Variants in EPB41L5 observed in about 807,000 individuals in gnomAD.
EPB41L5 encodes the protein band 4.1-like protein 5.
A neutral mutation model predicts 106.6 loss-of-function variants in EPB41L5; 55 were observed. The observed-to-expected ratio is 0.52, with a 90% CI of 0.42 to 0.65. EPB41L5 has a LOEUF of 0.65. EPB41L5 is among the 30% of genes least tolerant of loss of function. The pLI is 0.00. For synonymous variants in EPB41L5, 297 were observed against 306.7 expected (o/e 0.97, Z 0.33); for missense variants, 871 against 882.1 (o/e 0.99, Z 0.16).
At chr2:120,082,387 C>T (rs1682735889) in intron 10 of EPB41L5, among the ~76,000 whole-genome samples, 1 of 152,000 alleles carries the variant, frequency 6.6e-6, no homozygotes, top group Non-Finnish European at 1.5e-5. Context: ...GTCATTAGTT[C>T]TGTTTATATG....
At chr2:120,156,799 A>G (rs1458286885) in intron 20 of EPB41L5, among the ~76,000 whole-genome samples, 2 of 152,236 alleles carry the variant, frequency 1.3e-5, no homozygotes, top group Non-Finnish European at 2.9e-5. Flanking sequence ...GCAAGTTCTT[A>G]GAGACCTTCA....
At chr2:120,100,351 T>C (rs998156239) in intron 15 of EPB41L5, 65 bp downstream of exon 15, 3 of 1,473,048 alleles carry the variant, frequency 2.0e-6, no homozygotes, top group Non-Finnish European at 2.8e-6. Flanking sequence ...GTAGTAGTAT[T>C]GATTGGATTT....
chr2:120,048,157 G>A (rs1252779842), intron 3 of EPB41L5, among the ~76,000 whole-genome samples: 1 of 152,146 alleles, frequency 6.6e-6, no homozygotes, highest in Non-Finnish European at 1.5e-5. Context: ...TTGGTATCAG[G>A]ATGATGCTGG....
At chr2:120,017,386 C>A (rs957298259) in intron 1 of EPB41L5, among the ~76,000 whole-genome samples, 2 of 152,178 alleles carry the variant, frequency 1.3e-5, no homozygotes, top group East Asian at 1.9e-4. Context: ...GCAGCTGAGT[C>A]ATGTAGTGTA....
At chr2:120,023,563 C>T (rs1467746119) in intron 2 of EPB41L5, among the ~76,000 whole-genome samples, 1 of 152,046 alleles carries the variant, frequency 6.6e-6, no homozygotes, top group Non-Finnish European at 1.5e-5. Flanking sequence ...GGTACCAGTA[C>T]CATGCTGTTT....
At chr2:120,033,000 ATTG>A (rs943612693) in intron 2 of EPB41L5, among the ~76,000 whole-genome samples, 5 of 152,170 alleles carry the variant, frequency 3.3e-5, no homozygotes, top group African/African-American at 1.2e-4. Flanking sequence ...TCCCGTATGT[ATTG>A]TTAAGTGCGT....
chr2:120,164,859 C>A lies in EPB41L5; in HGVS notation c.1911C>A (p.Ala637=), dbSNP rs373905034. 2 of 1,612,382 alleles carry A rather than the reference C, an allele frequency of 1.2e-6. No homozygotes were observed. The highest frequency in any genetic ancestry group is 3.3e-5 in the Admixed American group (2 of 59,752). The stretch of plus-strand genomic sequence containing the variant: ...AGGAAGCTACAGATGAATTGGATGC[C>A]TTGCTTGCATCTCTAACTGAGAATC... ...VLKEATDELD[A]LLASLTENLI... The change falls in exon 22 of 25, where the codon GCC becomes GCA. Residue 637 remains alanine, a synonymous_variant. Coordinates refer to ENST00000263713, the MANE Select transcript of EPB41L5 (RefSeq NM_020909.4).
At chr2:120,032,114 G>T (rs1174437215) in intron 2 of EPB41L5, among the ~76,000 whole-genome samples, 1 of 152,138 alleles carries the variant, frequency 6.6e-6, no homozygotes, top group Non-Finnish European at 1.5e-5. Context: ...CAGGCGCGGT[G>T]GCTCACACCT....
chr2:120,149,816 A>G (rs1413170134), intron 20 of EPB41L5, among the ~76,000 whole-genome samples: 2 of 151,578 alleles, frequency 1.3e-5, no homozygotes, highest in Non-Finnish European at 2.9e-5. Flanking sequence ...TTCTACAACC[A>G]CTGCACCATT....
intron 3 of EPB41L5, among the ~76,000 whole-genome samples, chr2:120,071,508 A>G (rs1447110200): frequency 6.6e-6 from 1 of 152,244 alleles, no homozygotes; most frequent in Non-Finnish European, 1.5e-5. Flanking sequence ...CGGAGGCATC[A>G]CGCTACCTGA....
intron 2 of EPB41L5, among the ~76,000 whole-genome samples, chr2:120,039,735 G>C (rs1041929278): frequency 8.0e-5 from 12 of 150,190 alleles, no homozygotes; most frequent in African/African-American, 2.4e-4. Context: ...TGAGGCAGGA[G>C]AATTGCTTGA....
chr2:120,039,598 G>A (rs1371487978), intron 2 of EPB41L5, among the ~76,000 whole-genome samples: 1 of 152,034 alleles, frequency 6.6e-6, no homozygotes, highest in African/African-American at 2.4e-5. Context: ...GGCCAAGTTG[G>A]GCGGATCACC....
chr2:120,123,297 T>C (rs904243270), intron 16 of EPB41L5, among the ~76,000 whole-genome samples: 12 of 152,184 alleles, frequency 7.9e-5, no homozygotes, highest in African/African-American at 2.9e-4. Flanking sequence ...TGTTTTGGTT[T>C]TCATTTTCCC....
chr2:120,088,803 GT>G (rs565637927), intron 11 of EPB41L5, among the ~76,000 whole-genome samples: 79 of 152,216 alleles, frequency 5.2e-4, no homozygotes, highest in African/African-American at 1.8e-3. Context: ...TGTGGTTTTA[GT>G]TTGTGTTCCC....
chr2:120,043,415 C>T (rs1048982357), intron 3 of EPB41L5, among the ~76,000 whole-genome samples: 1 of 151,836 alleles, frequency 6.6e-6, no homozygotes, highest in Non-Finnish European at 1.5e-5. Flanking sequence ...GGCATGGTGG[C>T]GTGCCCCTGT....
intron 17 of EPB41L5, 185 bp downstream of exon 17, chr2:120,128,036 G>A: frequency 4.5e-6 from 2 of 446,996 alleles, no homozygotes; most frequent in Non-Finnish European, 7.6e-6. Flanking sequence ...TAACATAATT[G>A]AGGTCATTAA....
At chr2:120,164,691 C>T (rs1219133050) in intron 21 of EPB41L5, 145 bp from the exon 22 acceptor site, 2 of 540,868 alleles carry the variant, frequency 3.7e-6, no homozygotes, top group Non-Finnish European at 6.6e-6. Context: ...CATTAACAAC[C>T]ATGATTTATG....
chr2:120,050,392 C>T lies in EPB41L5; in HGVS notation c.285+8282C>T, dbSNP rs1680150157. Among the ~76,000 whole-genome samples the T allele has an allele frequency of 2.6e-5, 4 of 151,784 alleles. No individual in the cohort carries two copies. In the South Asian group the frequency reaches 8.3e-4, roughly 32 times the overall value. ...TTATCTTTTTTCTCTAAACTTCTCA[C>T]TTCATTTCATTCATTTGATCTTCAA... On this transcript the variant is annotated intron_variant, in intron 3 of 24. Transcript: ENST00000263713.
chr2:120,133,463 G>A (rs1283953849), intron 18 of EPB41L5, among the ~76,000 whole-genome samples: 1 of 152,126 alleles, frequency 6.6e-6, no homozygotes, highest in African/African-American at 2.4e-5. Flanking sequence ...CAGTGACTAT[G>A]GCACTTTGTA....
Sources: gnomAD v4.1 joint callset for allele counts (sites outside exome capture counted in the v4.1 genomes callset) on GRCh38, gnomAD v4.1.1 for gene constraint, MANE v1.5 for transcripts, NCBI Gene and HGNC (gene_info 2026-07-23, HGNC 2026-07-21) for gene names.